The following ING5 variants were observed in gnomAD, a reference collection of about 807,000 sequenced individuals.
ING5 encodes inhibitor of growth family member 5, also known as inhibitor of growth protein 5.
Under a neutral mutation model 37.4 loss-of-function variants are expected in ING5, and 17 were observed. The ratio of observed to expected loss-of-function variants is 0.45; its 90% CI spans 0.31 to 0.68. The LOEUF (loss-of-function observed/expected upper bound fraction) is 0.68, where lower values mean the gene tolerates loss of function less well. Ranked by LOEUF, ING5 falls within the 30% of genes least tolerant of loss-of-function variation. The probability of loss-of-function intolerance (pLI) is 0.05; values close to 1 mark genes in which losing one functional copy is unlikely to be tolerated. For missense variants in ING5, 233 were observed against 311.9 expected, an observed-to-expected ratio of 0.75 and a Z score of 1.91; for synonymous variants, 123 against 116.6, an observed-to-expected ratio of 1.06 and a Z score of -0.36.
chr2:241,698,496 A>AGTGTGTGTGTGTGT (rs199798593), upstream of ING5, among the ~76,000 whole-genome samples: 4 of 147,526 alleles, frequency 2.7e-5, no homozygotes, highest in South Asian at 8.8e-4. Flanking sequence ...ATAATAGAGG[A>AGTGTGTGTGTGTGT]GTGTGTGTGT....
chr2:241,695,187 C>T (rs965598996), intron 2 of ING5, among the ~76,000 whole-genome samples: 11 of 151,844 alleles, frequency 7.2e-5, no homozygotes, highest in African/African-American at 1.2e-4. Context: ...TCACAAGAGC[C>T]GGTGGCTTCC....
chr2:241,716,266 G>A (rs1047864248), intron 5 of ING5, among the ~76,000 whole-genome samples: 7 of 126,750 alleles, frequency 5.5e-5, no homozygotes, highest in Admixed American at 1.6e-4. Context: ...CCCCACTCTT[G>A]TCTTATTAGC....
In ING5 at chr2:241,727,285, T is replaced by TTGTGTGTGTG. The variant is rs536409600; in HGVS notation, c.*2268_*2277dup. 3.1e-4 allele frequency: 46 copies of TTGTGTGTGTG among 150,018 alleles called. No homozygotes were observed. The highest frequency in any genetic ancestry group is 1.1e-3 in the African/African-American group (43 of 40,850). 9.3% of individuals were successfully genotyped at this position (150,018 alleles called of 1,614,324 possible). A position where few individuals can be genotyped will look rare whatever the true frequency, so the allele number is the denominator to read the frequency against. On this transcript the variant is annotated 3_prime_UTR_variant, in exon 8 of 8. Coordinates refer to ENST00000313552, the MANE Select transcript of ING5 (RefSeq NM_032329.6). ...ACTTAACTTTTTGTTAGCACAGGTT[T>TTGTGTGTGTG]TGTGTGTGTGTGTGTGTGTGTGTTT... is the stretch of plus-strand genomic sequence containing the variant.
chr2:241,701,525 G>A (rs929981202), upstream of ING5, among the ~76,000 whole-genome samples: 1 of 152,160 alleles, frequency 6.6e-6, no homozygotes, highest in Admixed American at 6.5e-5. Flanking sequence ...CCCGGGCCAC[G>A]CGGTGCCGGC....
chr2:241,692,998 C>T (rs916344012), intron 2 of ING5, among the ~76,000 whole-genome samples: 4 of 152,186 alleles, frequency 2.6e-5, no homozygotes, highest in East Asian at 3.9e-4. Flanking sequence ...CGTTGGCTCA[C>T]GCCTGTAATC....
In ING5 at chr2:241,708,420, G is replaced by A. The variant is rs570935353; in HGVS notation, c.110-796G>A. Among the ~76,000 whole-genome samples the A allele has an allele frequency of 2.8e-4, 43 of 151,358 alleles. 2 individuals are homozygous for A. The highest frequency in any genetic ancestry group is 1.0e-3 in the African/African-American group (42 of 41,204). Reference sequence around the variant, plus strand: ...GACGGGGTTTCATCAAGTTAGCCAGGATGGTCTCGATCTCCTGACCTCGTG... The same window carrying A: ...GACGGGGTTTCATCAAGTTAGCCAGAATGGTCTCGATCTCCTGACCTCGTG... On this transcript the variant is annotated intron_variant, in intron 2 of 7. Transcript: ENST00000313552.
chr2:241,697,885 C>A (rs138541290), upstream of ING5, among the ~76,000 whole-genome samples: 1 of 151,712 alleles, frequency 6.6e-6, no homozygotes, highest in Non-Finnish European at 1.5e-5. Flanking sequence ...GAGTTTGAAA[C>A]CAGCCTGGCC....
chr2:241,702,179 C>A, intron 1 of ING5, 77 bp downstream of exon 1: 1 of 882,680 alleles, frequency 1.1e-6, no homozygotes, highest in South Asian at 4.9e-5. Flanking sequence ...GCGCCGGGCA[C>A]CGCATGCAGA....
At chr2:241,693,845 C>T (rs1178070934) in intron 2 of ING5, among the ~76,000 whole-genome samples, 3 of 150,880 alleles carry the variant, frequency 2.0e-5, no homozygotes, top group Non-Finnish European at 3.0e-5. Flanking sequence ...TTAGTAGAGA[C>T]GGGGTGTTTC....
rs914054522 is a variant in ING5 at position 241,705,135 on chromosome 2, C to T, written c.109+411C>T. On this transcript the variant is annotated intron_variant, in intron 2 of 7. Transcript: ENST00000313552. ...TGTCGCCCAGTCCGGAGTGCAGTGA[C>T]GTGATCTCAGCTCACTGCAAGCTCT... is the stretch of plus-strand genomic sequence containing the variant. Among the ~76,000 whole-genome samples, 10 of 152,086 alleles carry T rather than the reference C, an allele frequency of 6.6e-5. No individual in the cohort carries two copies. In the South Asian group the frequency reaches 1.0e-3, roughly 16 times the overall value.
chr2:241,695,047 G>A (rs2069612739), intron 2 of ING5, among the ~76,000 whole-genome samples: 1 of 148,524 alleles, frequency 6.7e-6, no homozygotes, highest in African/African-American at 2.5e-5. Flanking sequence ...AGACAATGTG[G>A]TATTCTTGCT....
At chr2:241,704,244 A>G (rs1302772024) in intron 1 of ING5, among the ~76,000 whole-genome samples, 2 of 152,348 alleles carry the variant, frequency 1.3e-5, no homozygotes, top group South Asian at 2.1e-4. Flanking sequence ...TGACAGAGAC[A>G]GAATACAGAG....
chr2:241,715,505 C>T (rs1160414139), intron 5 of ING5, among the ~76,000 whole-genome samples: 2 of 106,156 alleles, frequency 1.9e-5, no homozygotes, highest in African/African-American at 4.0e-5. Context: ...TTTGGTGAGA[C>T]GGAGCCTCAC....
rs144948225 is a variant in ING5 at position 241,718,621 on chromosome 2, T to C, written c.483-4318T>C. 8.3e-3 allele frequency among the ~76,000 whole-genome samples: 1,262 copies of C among 151,708 alleles called. 17 individuals carry two copies. Among genetic ancestry groups the C allele is most frequent in the African/African-American group, 0.029 (1,205 of 41,350 alleles). On this transcript the variant is annotated intron_variant, in intron 5 of 7. Coordinates refer to ENST00000313552, the MANE Select transcript of ING5 (RefSeq NM_032329.6). ...GTATAGACAGGGTTTCACCGTGTTA[T>C]GCAGGCTGGTCTCGAACTCCTGGCC... is the stretch of plus-strand genomic sequence containing the variant.
At chr2:241,687,409 G>T in exon 1 of ING5, 1 of 399,044 alleles carries the variant, frequency 2.5e-6, no homozygotes, top group Non-Finnish European at 4.4e-6. Flanking sequence ...GGCAGGATGG[G>T]GGGCTGTGTA....
At chr2:241,720,893 TGA>T in intron 5 of ING5, 1 of 985,570 alleles carries the variant, frequency 1.0e-6, no homozygotes, top group Non-Finnish European at 1.2e-6. Context: ...CAGGCGAGAC[TGA>T]GAGGCCAGTG....
chr2:241,690,916 C>T (rs1046406694), intron 2 of ING5, among the ~76,000 whole-genome samples: 43 of 151,784 alleles, frequency 2.8e-4, no homozygotes, highest in African/African-American at 9.6e-4. Flanking sequence ...AGACGATTCT[C>T]CTGCCTCAGC....
rs1575142034 is a variant in ING5, at chr2:241,723,712, A to G, written c.680+441A>G. The G allele has an allele frequency of 7.7e-6, 12 of 1,563,796 alleles. No homozygotes were observed. The East Asian group carries it at 2.2e-4, about 29-fold the overall frequency. ...TGGGGCTCTGCCCCTGGCTCTGTCTAGTGGAGAAGGGTGTGTTTTCTCTAC... is the reference window on the plus strand; with the variant it reads ...TGGGGCTCTGCCCCTGGCTCTGTCTGGTGGAGAAGGGTGTGTTTTCTCTAC... On this transcript the variant is annotated intron_variant, in intron 7 of 7. Transcript: ENST00000313552.
At chr2:241,718,045 C>A (rs2070321240) in intron 5 of ING5, among the ~76,000 whole-genome samples, 1 of 152,188 alleles carries the variant, frequency 6.6e-6, no homozygotes, top group Non-Finnish European at 1.5e-5. Context: ...CAGGTTCAGG[C>A]TCTGTGGCCC....
Sources: gnomAD v4.1 joint callset for allele counts (sites outside exome capture counted in the v4.1 genomes callset) on GRCh38, gnomAD v4.1.1 for gene constraint, MANE v1.5 for transcripts, NCBI Gene and HGNC (gene_info 2026-07-23, HGNC 2026-07-21) for gene names.